PDE1C: variants seen among roughly 807,000 people sequenced by gnomAD.
PDE1C encodes the protein dual specificity calcium/calmodulin-dependent 3',5'-cyclic nucleotide phosphodiesterase 1C.
In PDE1C, 62 loss-of-function variants were observed where a neutral mutation model predicts 93.1. The observed-to-expected ratio is 0.67, with a 90% confidence interval of 0.54 to 0.82. The LOEUF is 0.82. Ranked by LOEUF, PDE1C falls within the 40% of genes least tolerant of loss-of-function variation. The pLI is 0.00. For synonymous variants in PDE1C, 325 were observed against 310.1 expected (o/e 1.05, Z -0.50); for missense variants, 742 against 884.6 (o/e 0.84, Z 2.04).
chr7:32,384,782 A>C (rs1784594530), intron 1 of PDE1C, among the ~76,000 whole-genome samples: 1 of 152,228 alleles, frequency 6.6e-6, no homozygotes, highest in African/African-American at 2.4e-5. Flanking sequence ...ACTTTAATGC[A>C]CTCAGGCATT....
chr7:32,057,217 C>T (rs1794234863), intron 1 of PDE1C, among the ~76,000 whole-genome samples: 1 of 152,198 alleles, frequency 6.6e-6, no homozygotes, highest in African/African-American at 2.4e-5. Context: ...CTTAAGCAGT[C>T]TCAGGAAGTT....
At chr7:31,749,735 A>T (rs1258268021), downstream of PDE1C, among the ~76,000 whole-genome samples, 4 of 131,322 alleles carry the variant, frequency 3.0e-5, no homozygotes, top group African/African-American at 8.4e-5. Context: ...CTGTTGTCTA[A>T]TTTTTTTTTT....
the PDE1C span, among the ~76,000 whole-genome samples, chr7:31,621,703 G>T: frequency 6.9e-6 from 1 of 144,078 alleles, no homozygotes; most frequent in Non-Finnish European, 1.5e-5. Flanking sequence ...ATCAACTAAC[G>T]AGCAAAATAA....
chr7:32,279,941 G>A (rs533250097), intron 1 of PDE1C, among the ~76,000 whole-genome samples: 16 of 152,216 alleles, frequency 1.1e-4, no homozygotes, highest in Middle Eastern at 3.4e-3. Context: ...GCAACAGAAA[G>A]GTGACCATGA....
intron 2 of PDE1C, among the ~76,000 whole-genome samples, chr7:32,206,255 A>G (rs953339471): frequency 6.6e-6 from 1 of 152,052 alleles, no homozygotes; most frequent in Non-Finnish European, 1.5e-5. Context: ...GGGACGGCTC[A>G]CTGATTAGGA....
intron 1 of PDE1C, among the ~76,000 whole-genome samples, chr7:32,292,399 G>T (rs1812391415): frequency 6.6e-6 from 1 of 151,990 alleles, no homozygotes; most frequent in African/African-American, 2.4e-5. Context: ...CAATCTAAAA[G>T]TTTATTTTTT....
chr7:32,139,300 CTTTTTTTTTTTTTTTT>C (rs34277412), intron 3 of PDE1C, among the ~76,000 whole-genome samples: 1 of 82,922 alleles, frequency 1.2e-5, no homozygotes, highest in Non-Finnish European at 2.2e-5. Flanking sequence ...CAAAATCAAC[CTTTTTTTTTTTTTTTT>C]TTTTTTTTTG....
At chr7:32,060,106 C>G (rs1794625177) in intron 1 of PDE1C, among the ~76,000 whole-genome samples, 1 of 152,366 alleles carries the variant, frequency 6.6e-6, no homozygotes, top group African/African-American at 2.4e-5. Flanking sequence ...CTTCACAGAT[C>G]TATCCCTGTA....
the PDE1C span, among the ~76,000 whole-genome samples, chr7:31,674,659 A>G: frequency 1.3e-5 from 2 of 152,238 alleles, no homozygotes; most frequent in East Asian, 3.8e-4. Flanking sequence ...AGAGCACTGC[A>G]GATCAGTGGG....
At chr7:31,718,164 A>G in the PDE1C span, among the ~76,000 whole-genome samples, 8 of 152,266 alleles carry the variant, frequency 5.3e-5, no homozygotes, top group South Asian at 1.5e-3. Flanking sequence ...CTGCACGGTC[A>G]TGGGCATGGT....
chr7:31,810,780 C>T (rs555753090), intron 15 of PDE1C, among the ~76,000 whole-genome samples: 1 of 152,206 alleles, frequency 6.6e-6, no homozygotes, highest in Non-Finnish European at 1.5e-5. Context: ...TGCAACTTCT[C>T]TATGAAGTTC....
chr7:31,650,792 A>T, the PDE1C span, among the ~76,000 whole-genome samples: 1 of 152,098 alleles, frequency 6.6e-6, no homozygotes. Context: ...GATTAAACAG[A>T]CTCAATTTCT....
At chr7:31,823,559 T>C (rs1789274300) in intron 13 of PDE1C, among the ~76,000 whole-genome samples, 1 of 152,226 alleles carries the variant, frequency 6.6e-6, no homozygotes, top group Middle Eastern at 3.4e-3. Context: ...CTCTGTTCTC[T>C]GAAACTGACT....
At position 31,752,808 on chromosome 7, in the gene PDE1C, TACA is replaced by T. The variant is rs1243057312; in HGVS notation, c.*573_*575del. 5.9e-5 allele frequency: 9 copies of T among 152,234 alleles called. No individual in the cohort carries two copies. Among genetic ancestry groups the T allele is most frequent in the Non-Finnish European group, 7.3e-5 (5 of 68,036 alleles). The allele number at this position is 152,234 out of a possible 1,614,324, so 9.4% of individuals were successfully genotyped here. On this transcript the variant is annotated 3_prime_UTR_variant, in exon 18 of 18. Transcript: ENST00000396191. Reference sequence around the variant, plus strand: ...GCGTGAATTCTGAAATGTCCATGAATACAACAATTCATCCGTCTTCTCTTCCTT... The same window carrying T: ...GCGTGAATTCTGAAATGTCCATGAATACAATTCATCCGTCTTCTCTTCCTT...
intron 2 of PDE1C, among the ~76,000 whole-genome samples, chr7:31,953,803 G>T (rs1253837222): frequency 6.6e-6 from 1 of 151,512 alleles, no homozygotes; most frequent in African/African-American, 2.4e-5. Flanking sequence ...GAAAAAGAAA[G>T]GAAAAAAGAC....
intron 1 of PDE1C, among the ~76,000 whole-genome samples, chr7:32,411,085 A>G (rs1233167839): frequency 6.6e-6 from 1 of 152,234 alleles, no homozygotes; most frequent in Admixed American, 6.5e-5. Flanking sequence ...TCCCAAATCA[A>G]TGGAGCAAAA....
intron 2 of PDE1C, among the ~76,000 whole-genome samples, chr7:31,947,200 T>C (rs1806736020): frequency 6.6e-6 from 1 of 152,188 alleles, no homozygotes; most frequent in Non-Finnish European, 1.5e-5. Context: ...TGGAGTATTC[T>C]ATATTCTCCC....
At chr7:31,644,661 G>A in the PDE1C span, among the ~76,000 whole-genome samples, 2 of 152,190 alleles carry the variant, frequency 1.3e-5, no homozygotes, top group African/African-American at 4.8e-5. Context: ...TCTAGCCCTT[G>A]ATTAATCAGT....
At chr7:31,668,141 G>A in the PDE1C span, among the ~76,000 whole-genome samples, 7 of 152,170 alleles carry the variant, frequency 4.6e-5, no homozygotes, top group Admixed American at 4.6e-4. Flanking sequence ...TTAGGCTTTT[G>A]TGTGACTTTA....
Sources: gnomAD v4.1 joint callset for allele counts (sites outside exome capture counted in the v4.1 genomes callset) on GRCh38, gnomAD v4.1.1 for gene constraint, MANE v1.5 for transcripts, NCBI Gene and HGNC (gene_info 2026-07-23, HGNC 2026-07-21) for gene names.